The following SLC24A4 variants were observed in gnomAD, a reference collection of about 807,000 sequenced individuals.
The protein encoded by SLC24A4 is solute carrier family 24 member 4.
A neutral mutation model predicts 79.0 loss-of-function variants in SLC24A4; 53 were observed. That is an observed-to-expected ratio of 0.67 (90% CI 0.54 to 0.84). SLC24A4 has a LOEUF of 0.84. Among genes scored for constraint, SLC24A4 ranks in the 40% least tolerant of loss-of-function variants. The probability of loss-of-function intolerance (pLI) is 0.00; values close to 1 mark genes in which losing one functional copy is unlikely to be tolerated. For synonymous variants in SLC24A4, 323 were observed against 323.8 expected (o/e 1.00, Z 0.03); for missense variants, 731 against 822.0 (o/e 0.89, Z 1.35).
chr14:92,486,607 A>G, intron 13 of SLC24A4, 59 bp from the exon 14 acceptor site: 1 of 1,070,954 alleles, frequency 9.3e-7, no homozygotes, highest in South Asian at 1.3e-5. Context: ...TACTAGGAAT[A>G]TTTCTTTAGT....
intron 2 of SLC24A4, among the ~76,000 whole-genome samples, chr14:92,345,507 C>T (rs548813347): frequency 6.6e-6 from 1 of 152,262 alleles, no homozygotes; most frequent in African/African-American, 2.4e-5. Context: ...TCGAGACCAG[C>T]CTGGTCAATA....
At chr14:92,362,719 A>G (rs1267695648) in intron 2 of SLC24A4, among the ~76,000 whole-genome samples, 1 of 152,202 alleles carries the variant, frequency 6.6e-6, no homozygotes, top group African/African-American at 2.4e-5. Context: ...CTGCGTCCCA[A>G]GTCTCCTGTG....
intron 13 of SLC24A4, among the ~76,000 whole-genome samples, chr14:92,483,289 G>T (rs924633285): frequency 6.6e-6 from 1 of 152,148 alleles, no homozygotes; most frequent in Non-Finnish European, 1.5e-5. Context: ...CTGATGTGCT[G>T]GTGCTGGTTT....
intron 2 of SLC24A4, among the ~76,000 whole-genome samples, chr14:92,342,620 T>C (rs1275500430): frequency 6.6e-6 from 1 of 152,148 alleles, no homozygotes; most frequent in Non-Finnish European, 1.5e-5. Flanking sequence ...CGACCTCAGG[T>C]GATCCACCCG....
chr14:92,499,981 A>G lies in SLC24A4; in HGVS notation c.*6353A>G. 6.6e-6 allele frequency: 1 copy of G among 151,926 alleles called. No individual in the cohort carries two copies. Among genetic ancestry groups the G allele is most frequent in the Non-Finnish European group, 1.5e-5 (1 of 68,092 alleles). 9.4% of individuals were successfully genotyped at this position (151,926 alleles called of 1,614,324 possible). A position where few individuals can be genotyped will look rare whatever the true frequency, so the allele number is the denominator to read the frequency against. ...CAGCCTCCCGAGTAGCTGGGACTAC[A>G]GGCGCCTGCCACCACACCCAGCTAA... On this transcript the variant is annotated 3_prime_UTR_variant, in exon 17 of 17. Transcript: ENST00000532405.
chr14:92,454,262 C>G (rs1893329686), intron 11 of SLC24A4, among the ~76,000 whole-genome samples, 193 bp downstream of exon 11: 1 of 152,160 alleles, frequency 6.6e-6, no homozygotes, highest in Admixed American at 6.5e-5. Context: ...CTGCAGCAAT[C>G]GAATACCTTG....
intron 2 of SLC24A4, among the ~76,000 whole-genome samples, chr14:92,332,352 A>G (rs1398567155): frequency 1.3e-5 from 2 of 152,194 alleles, no homozygotes; most frequent in Non-Finnish European, 2.9e-5. Context: ...CTTCTGGTCA[A>G]CAGTAGGGTA....
chr14:92,414,319 G>C (rs12434183), intron 2 of SLC24A4, among the ~76,000 whole-genome samples: 16,028 of 152,168 alleles, frequency 0.11, 898 homozygotes, highest in African/African-American at 0.14. Flanking sequence ...GGGGTAGGGG[G>C]TGAGGGGGAC....
chr14:92,364,320 T>C (rs1380905751), intron 2 of SLC24A4, among the ~76,000 whole-genome samples: 4 of 151,928 alleles, frequency 2.6e-5, no homozygotes, highest in Non-Finnish European at 5.9e-5. Context: ...GTGACCCCCA[T>C]CCTCTCTGCT....
At chr14:92,394,190 C>T (rs1889645204) in intron 2 of SLC24A4, among the ~76,000 whole-genome samples, 1 of 152,038 alleles carries the variant, frequency 6.6e-6, no homozygotes, top group Admixed American at 6.5e-5. Context: ...ATTTTTCCCT[C>T]ATCTTTTATT....
intron 2 of SLC24A4, among the ~76,000 whole-genome samples, chr14:92,379,879 A>C (rs537087602): frequency 6.6e-6 from 1 of 152,178 alleles, no homozygotes; most frequent in East Asian, 1.9e-4. Context: ...AGTCTTCCCC[A>C]GACTCTCCGT....
chr14:92,448,770 C>T (rs532973263), intron 9 of SLC24A4, among the ~76,000 whole-genome samples: 1 of 152,288 alleles, frequency 6.6e-6, no homozygotes, highest in South Asian at 2.1e-4. Flanking sequence ...GGCCGAGCTT[C>T]CTTTATTAGG....
At chr14:92,492,303 C>T (rs949235248) in intron 16 of SLC24A4, 63 bp downstream of exon 16, 19 of 1,481,386 alleles carry the variant, frequency 1.3e-5, no homozygotes, top group South Asian at 3.4e-5. Context: ...GATTCCGCCT[C>T]GTCACTTACG....
intron 2 of SLC24A4, among the ~76,000 whole-genome samples, chr14:92,359,859 G>T (rs547379792): frequency 6.6e-6 from 1 of 152,252 alleles, no homozygotes; most frequent in East Asian, 1.9e-4. Flanking sequence ...TTTTAATTTT[G>T]CCTTAAGAAA....
intron 8 of SLC24A4, 113 bp from the exon 9 acceptor site, chr14:92,447,257 AG>A: frequency 1.1e-6 from 1 of 884,922 alleles, no homozygotes; most frequent in East Asian, 2.5e-5. Flanking sequence ...GCCCGGCACT[AG>A]GGGCGGGGGA....
In SLC24A4 at chr14:92,490,081, G is replaced by A. The variant is rs1050255445; in HGVS notation, c.1538-1584G>A. Among the ~76,000 whole-genome samples, 21 of 152,094 alleles carry A rather than the reference G, an allele frequency of 1.4e-4. No individual in the cohort carries two copies. Among genetic ancestry groups the A allele is most frequent in the Admixed American group, 7.9e-4 (12 of 15,280 alleles). ...GACAGCAACAAGCAGGGGAGGAGGAGGTGACCTAGCTATGCAACATGGGCG... is the reference window on the plus strand; with the variant it reads ...GACAGCAACAAGCAGGGGAGGAGGAAGTGACCTAGCTATGCAACATGGGCG... On this transcript the variant is annotated intron_variant, in intron 14 of 16. Transcript: ENST00000532405. This position sits in a 1 kb window ranked among gnomAD's most constrained non-coding sequence, Gnocchi z 4.3.
intron 2 of SLC24A4, among the ~76,000 whole-genome samples, chr14:92,333,929 C>T (rs1170352861): frequency 6.6e-6 from 1 of 151,518 alleles, no homozygotes; most frequent in African/African-American, 2.4e-5. Flanking sequence ...CAGGGGTGGG[C>T]CTCTGTAGAC....
chr14:92,474,843 G>GTGTGTGTGTGTGTGTGTA (rs779007741), intron 12 of SLC24A4, among the ~76,000 whole-genome samples: 2 of 23,884 alleles, frequency 8.4e-5, no homozygotes, highest in African/African-American at 2.0e-4. Flanking sequence ...GTGTGTGTGT[G>GTGTGTGTGTGTGTGTGTA]TATATATATA....
intron 3 of SLC24A4, among the ~76,000 whole-genome samples, chr14:92,435,421 C>T (rs1326121179): frequency 6.6e-6 from 1 of 152,236 alleles, no homozygotes; most frequent in Non-Finnish European, 1.5e-5. Flanking sequence ...TGAGTCCATG[C>T]ATCAGAGACT....
Sources: gnomAD v4.1 joint callset for allele counts (sites outside exome capture counted in the v4.1 genomes callset) on GRCh38, gnomAD v4.1.1 for gene constraint, Gnocchi (gnomAD v3.1) non-coding constraint, MANE v1.5 for transcripts, NCBI Gene and HGNC (gene_info 2026-07-23, HGNC 2026-07-21) for gene names.